HIPK2: variants seen among roughly 807,000 people sequenced by gnomAD.
The protein encoded by HIPK2 is homeodomain-interacting protein kinase 2.
A neutral mutation model predicts 113.7 loss-of-function variants in HIPK2; 27 were observed. The ratio of observed to expected loss-of-function variants is 0.24; its 90% CI spans 0.17 to 0.33. HIPK2 has a LOEUF of 0.33. Ranked by LOEUF, HIPK2 falls within the 10% of genes least tolerant of loss-of-function variation. HIPK2 has a pLI of 1.00. For synonymous variants in HIPK2, 631 were observed against 642.2 expected (o/e 0.98, Z 0.26); for missense variants, 1,257 against 1,588.0 (o/e 0.79, Z 3.54).
chr7:139,764,311 C>T (rs1167687293), intron 1 of HIPK2, among the ~76,000 whole-genome samples: 1 of 152,198 alleles, frequency 6.6e-6, no homozygotes, highest in African/African-American at 2.4e-5. Flanking sequence ...CTGTATCTCC[C>T]TTAGGAGTAA....
chr7:139,657,719 G>C (rs1801721630), intron 2 of HIPK2, among the ~76,000 whole-genome samples: 1 of 152,126 alleles, frequency 6.6e-6, no homozygotes, highest in Non-Finnish European at 1.5e-5. Context: ...CTTGTTTCTA[G>C]GTGTAGCAGT....
At chr7:139,698,534 A>G (rs1194578977) in intron 2 of HIPK2, among the ~76,000 whole-genome samples, 1 of 152,202 alleles carries the variant, frequency 6.6e-6, no homozygotes, top group Non-Finnish European at 1.5e-5. Flanking sequence ...CGAACTGCCA[A>G]ACTGTTTTCT....
intron 2 of HIPK2, among the ~76,000 whole-genome samples, chr7:139,670,617 A>T (rs1361719802): frequency 1.3e-5 from 2 of 148,674 alleles, no homozygotes; most frequent in Non-Finnish European, 1.5e-5. Context: ...AAGGAAAAAT[A>T]AAAAAAAATG....
Position 139,683,780 on chromosome 7 carries a change from CT to C in HIPK2, c.1103+32151del, listed in dbSNP as rs1004131134. 6.6e-6 allele frequency among the ~76,000 whole-genome samples: 1 copy of C among 152,088 alleles called. No homozygotes were observed. Among genetic ancestry groups the C allele is most frequent in the African/African-American group, 2.4e-5 (1 of 41,396 alleles). On this transcript the variant is annotated intron_variant, in intron 2 of 14. Coordinates refer to ENST00000406875, the MANE Select transcript of HIPK2 (RefSeq NM_022740.5). This position sits in a 1 kb window ranked among gnomAD's most constrained non-coding sequence, Gnocchi z 4.2. Reference sequence around the variant, plus strand: ...GAGTAAAATAGATAGATTCATTATTCTGTATTACACCAACAGTTAGGTCTTA... The same window carrying C: ...GAGTAAAATAGATAGATTCATTATTCGTATTACACCAACAGTTAGGTCTTA...
intron 1 of HIPK2, among the ~76,000 whole-genome samples, chr7:139,730,978 GA>G (rs1397774427): frequency 2.0e-5 from 3 of 152,192 alleles, no homozygotes; most frequent in African/African-American, 7.2e-5. Flanking sequence ...GAGAAGGCAA[GA>G]AGGGGATTTA....
Position 139,707,092 on chromosome 7 carries a change from C to A in HIPK2, c.1103+8840G>T, listed in dbSNP as rs367663936. On this transcript the variant is annotated intron_variant, in intron 2 of 14. Transcript: ENST00000406875. ...CAGGCACACTCCTGGAGGCCTCGGG[C>A]AGGCTCCTCAGAGGTGGGACGGAGC... Among the ~76,000 whole-genome samples the A allele has an allele frequency of 4.9e-4, 74 of 152,350 alleles. 2 individuals carry two copies. The South Asian group carries it at 0.015, about 30-fold the overall frequency.
chr7:139,612,017 A>C (rs1799849151), intron 9 of HIPK2, among the ~76,000 whole-genome samples: 1 of 152,054 alleles, frequency 6.6e-6, no homozygotes. Context: ...GTTAAAATTC[A>C]CTTAAAAACA....
rs1332014375 is a variant in HIPK2 at position 139,614,489 on chromosome 7, G to A, written c.1787C>T (p.Pro596Leu). The A allele has an allele frequency of 7.2e-7, 1 of 1,382,102 alleles. No individual in the cohort carries two copies. The highest frequency in any genetic ancestry group is 2.7e-5 in the East Asian group (1 of 36,752). 85.6% of individuals were successfully genotyped at this position (1,382,102 alleles called of 1,614,324 possible). ...NQLTTVHNQAPSSTSATISLA... is the reference protein window; with the variant it reads ...NQLTTVHNQALSSTSATISLA... ...GGAAATAGTGGCACTGGTAGAGGAG[G>A]GAGCCTAAAGGAGTGATGGGGATTA... is the stretch of plus-strand genomic sequence containing the variant. The change falls in exon 8 of 15, where the codon CCC (proline) becomes CTC (leucine). Residue 596 changes from proline (P) to leucine (L), a missense_variant. Coordinates refer to ENST00000406875, the MANE Select transcript of HIPK2 (RefSeq NM_022740.5).
chr7:139,621,768 T>C (rs1346339586), intron 6 of HIPK2, among the ~76,000 whole-genome samples: 1 of 151,650 alleles, frequency 6.6e-6, no homozygotes, highest in Non-Finnish European at 1.5e-5. Flanking sequence ...AAAAAAAATA[T>C]AAAAATTAGC....
At chr7:139,740,138 A>G (rs1012089535) in intron 1 of HIPK2, among the ~76,000 whole-genome samples, 2 of 152,174 alleles carry the variant, frequency 1.3e-5, no homozygotes, top group Admixed American at 6.5e-5. Flanking sequence ...AGTCCCCAGG[A>G]GTCATGCAAA....
Position 139,763,926 on chromosome 7 carries a change from A to AT in HIPK2, c.19+13678dup, listed in dbSNP as rs1037723735. ...CTTTCAACTGTCTATATAGTGCCAC[A>AT]TTTTTTTTGCATTTTGGTGTGTTTT... On this transcript the variant is annotated intron_variant, in intron 1 of 14. Transcript: ENST00000406875. Among the ~76,000 whole-genome samples the AT allele has an allele frequency of 2.2e-4, 34 of 151,890 alleles. No homozygotes were observed. The East Asian group carries it at 4.3e-3, about 19-fold the overall frequency.
rs538995377 is a variant in HIPK2 at position 139,744,259 on chromosome 7, C to T, written c.20-27244G>A. Among the ~76,000 whole-genome samples the T allele has an allele frequency of 8.2e-4, 125 of 152,312 alleles. 1 individual carries two copies. Among genetic ancestry groups the T allele is most frequent in the African/African-American group, 2.8e-3 (116 of 41,568 alleles). ...AATACAAAGCAATGAAGAACCGATA[C>T]CTGCTACAACATGGATGAACCTCAA... On this transcript the variant is annotated intron_variant, in intron 1 of 14. Coordinates refer to ENST00000406875, the MANE Select transcript of HIPK2 (RefSeq NM_022740.5).
At chr7:139,615,750 A>G (rs558341598) in intron 7 of HIPK2, among the ~76,000 whole-genome samples, 1 of 152,356 alleles carries the variant, frequency 6.6e-6, no homozygotes, top group Admixed American at 6.5e-5. Flanking sequence ...AAAAAGGACA[A>G]AGTCTTATTT....
intron 13 of HIPK2, among the ~76,000 whole-genome samples, chr7:139,583,280 CAGG>C (rs138286110): frequency 0.021 from 3,173 of 152,334 alleles, 112 homozygotes; most frequent in African/African-American, 0.072. Context: ...CTTCGCGGGA[CAGG>C]AGGAGTCCTC....
chr7:139,604,215 C>T lies in HIPK2; in HGVS notation c.2121G>A (p.Trp707Ter). Residue 707 changes from tryptophan (W) to a stop codon, truncating the protein, a stop_gained, in exon 10 of 15, where the codon TGG becomes TGA. Transcript: ENST00000406875. LOFTEE classifies it high-confidence loss of function. The stretch of plus-strand genomic sequence containing the variant: ...GCAGGATCTGCTGGGTCCCACTTGG[C>T]CAAGCCTGCTGTAGAACACAGGACA... Reference protein sequence around the residue: ...IQPGLLAQQAWPSGTQQILLP... With the variant: ...IQPGLLAQQA The T allele has an allele frequency of 6.2e-7, 1 of 1,610,836 alleles. No individual in the cohort carries two copies. The highest frequency in any genetic ancestry group is 8.5e-7 in the Non-Finnish European group (1 of 1,178,150).
At chr7:139,719,904 A>G (rs745368995) in intron 1 of HIPK2, among the ~76,000 whole-genome samples, 1 of 152,172 alleles carries the variant, frequency 6.6e-6, no homozygotes, top group Admixed American at 6.5e-5. Context: ...TAATTTGCCT[A>G]TATTTGGCTA....
Position 139,645,097 on chromosome 7 carries a change from C to T in HIPK2, c.1104-13372G>A, listed in dbSNP as rs552815808. On this transcript the variant is annotated intron_variant, in intron 2 of 14. Coordinates refer to ENST00000406875, the MANE Select transcript of HIPK2 (RefSeq NM_022740.5). ...GAACCAACAACAGGCAGAAGAAACA[C>T]GATGCTTTCCTTTCCAAGGTTCCCA... is the stretch of plus-strand genomic sequence containing the variant. 7.3e-4 allele frequency among the ~76,000 whole-genome samples: 111 copies of T among 152,346 alleles called. 1 individual carries two copies. Among genetic ancestry groups the T allele is most frequent in the East Asian group, 2.3e-3 (12 of 5,186 alleles).
chr7:139,687,001 C>T (rs1001366359), intron 2 of HIPK2, among the ~76,000 whole-genome samples: 4 of 152,224 alleles, frequency 2.6e-5, no homozygotes, highest in Non-Finnish European at 5.9e-5. Context: ...CAGTCAGCAA[C>T]GATTGACATC....
chr7:139,623,517 CAA>C (rs771370297), intron 6 of HIPK2, among the ~76,000 whole-genome samples: 16,895 of 73,276 alleles, frequency 0.23, 1,044 homozygotes, highest in African/African-American at 0.3. Context: ...GACTCTACTT[CAA>C]AAAAAAAAAA....
Sources: gnomAD v4.1 joint callset for allele counts (sites outside exome capture counted in the v4.1 genomes callset) on GRCh38, gnomAD v4.1.1 for gene constraint, Gnocchi (gnomAD v3.1) non-coding constraint, MANE v1.5 for transcripts, NCBI Gene and HGNC (gene_info 2026-07-23, HGNC 2026-07-21) for gene names.